The following SPRYD7 variants were observed in gnomAD, a reference collection of about 807,000 sequenced individuals.
The protein encoded by SPRYD7 is SPRY domain containing 7.
SPRYD7 carries 14 observed loss-of-function variants against 23.8 expected under a neutral mutation model. The ratio of observed to expected loss-of-function variants is 0.59; its 90% CI spans 0.39 to 0.92. SPRYD7 has a LOEUF of 0.92. Ranked by LOEUF, SPRYD7 falls within the 40% of genes least tolerant of loss-of-function variation. SPRYD7 has a pLI of 0.00. For missense variants in SPRYD7, 194 were observed against 241.7 expected (o/e 0.80, Z 1.31); for synonymous variants, 75 against 84.9 (o/e 0.88, Z 0.64).
intron 2 of SPRYD7, 60 bp downstream of exon 2, chr13:49,930,958 A>G: frequency 9.4e-7 from 1 of 1,065,740 alleles, no homozygotes; most frequent in Non-Finnish European, 1.4e-6. Flanking sequence ...ATGTGTTACA[A>G]ATTACTCTTA....
At chr13:49,915,373 A>T (rs2138208193) in intron 4 of SPRYD7, among the ~76,000 whole-genome samples, 1 of 152,282 alleles carries the variant, frequency 6.6e-6, no homozygotes, top group Admixed American at 6.5e-5. Flanking sequence ...AAAACATTGG[A>T]AGGATATATA....
At position 49,921,549 on chromosome 13, in the gene SPRYD7, A is replaced by G. The variant is rs1174393354; in HGVS notation, c.422T>C (p.Val141Ala). 1 of 1,612,846 alleles carries G rather than the reference A, an allele frequency of 6.2e-7. No homozygotes were observed. Among genetic ancestry groups the G allele is most frequent in the Non-Finnish European group, 8.5e-7 (1 of 1,178,898 alleles). ...GITYDHVELN[V>A]YLNGKNMHCP... ...ATGCATGTTTTTTCCATTCAAGTATACATTTAATTCGACATGGTCATAAGT... is the reference window on the plus strand; with the variant it reads ...ATGCATGTTTTTTCCATTCAAGTATGCATTTAATTCGACATGGTCATAAGT... The change falls in exon 4 of 5, where the codon GTA becomes GCA. Residue 141 changes from valine (V) to alanine (A), a missense_variant. Physicochemically the swap from Val to Ala is moderately conservative, Grantham distance 64. Transcript: ENST00000361840.
At chr13:49,925,825 A>G (rs1424903043) in intron 3 of SPRYD7, among the ~76,000 whole-genome samples, 1 of 152,114 alleles carries the variant, frequency 6.6e-6, no homozygotes, top group Non-Finnish European at 1.5e-5. Context: ...ACAAAAAAAA[A>G]AAAAAGGAGA....
chr13:49,920,947 T>G (rs144315387), intron 4 of SPRYD7, among the ~76,000 whole-genome samples: 4 of 151,952 alleles, frequency 2.6e-5, no homozygotes, highest in South Asian at 2.1e-4. Flanking sequence ...GGTGACAGAG[T>G]GACACTCCGT....
chr13:49,927,138 T>C (rs1370856341), intron 3 of SPRYD7, among the ~76,000 whole-genome samples: 1 of 152,174 alleles, frequency 6.6e-6, no homozygotes, highest in Non-Finnish European at 1.5e-5. Flanking sequence ...TTAAGTTTAA[T>C]GAAGATGAAC....
chr13:49,923,194 T>C (rs1018045018), intron 3 of SPRYD7, among the ~76,000 whole-genome samples: 1 of 152,098 alleles, frequency 6.6e-6, no homozygotes, highest in African/African-American at 2.4e-5. Context: ...AGTGAGGTTG[T>C]AATCCAGGCA....
At chr13:49,935,943 C>G (rs1158174323) in intron 1 of SPRYD7, among the ~76,000 whole-genome samples, 187 bp downstream of exon 1, 3 of 152,138 alleles carry the variant, frequency 2.0e-5, no homozygotes, top group African/African-American at 7.2e-5. Flanking sequence ...GCTGCGCAGC[C>G]TTGAACACAG....
At chr13:49,919,092 A>G (rs1163251869) in intron 4 of SPRYD7, among the ~76,000 whole-genome samples, 1 of 152,140 alleles carries the variant, frequency 6.6e-6, no homozygotes, top group Non-Finnish European at 1.5e-5. Context: ...CCAAAGGCAG[A>G]AAAATCATAT....
chr13:49,923,141 T>C (rs1448007105), intron 3 of SPRYD7, among the ~76,000 whole-genome samples: 3 of 152,216 alleles, frequency 2.0e-5, no homozygotes, highest in Non-Finnish European at 4.4e-5. Flanking sequence ...AGAAAGTATG[T>C]TACTCTCATT....
intron 4 of SPRYD7, among the ~76,000 whole-genome samples, chr13:49,919,838 C>T (rs372373441): frequency 1.4e-5 from 2 of 142,198 alleles, no homozygotes; most frequent in Non-Finnish European, 3.1e-5. Flanking sequence ...ACCTTTTTTT[C>T]GAGATACAAA....
chr13:49,922,065 AC>A (rs1955827660), intron 3 of SPRYD7, among the ~76,000 whole-genome samples: 2 of 152,210 alleles, frequency 1.3e-5, no homozygotes, highest in Admixed American at 6.5e-5. Context: ...AAGAAATAAC[AC>A]ATTTCTACAT....
chr13:49,921,622 G>A (rs770891491), intron 3 of SPRYD7, 42 bp from the exon 4 acceptor site: 94 of 1,260,996 alleles, frequency 7.5e-5, no homozygotes, highest in Middle Eastern at 1.9e-4. Context: ...AAGCTGAGCC[G>A]TCAGAAAGCA....
At chr13:49,928,649 G>T (rs1198955818) in intron 2 of SPRYD7, among the ~76,000 whole-genome samples, 1 of 152,074 alleles carries the variant, frequency 6.6e-6, no homozygotes, top group Non-Finnish European at 1.5e-5. Flanking sequence ...CACCTTGCAA[G>T]GTAATGAAAA....
chr13:49,912,987 A>G lies in SPRYD7; in HGVS notation c.*2076T>C, dbSNP rs1461254880. 6.6e-6 allele frequency: 1 copy of G among 152,226 alleles called. No homozygotes were observed. Among genetic ancestry groups the G allele is most frequent in the Non-Finnish European group, 1.5e-5 (1 of 68,032 alleles). The allele number at this position is 152,226 out of a possible 1,614,324, so 9.4% of individuals were successfully genotyped here. A position where few individuals can be genotyped will look rare whatever the true frequency, so the allele number is the denominator to read the frequency against. On this transcript the variant is annotated 3_prime_UTR_variant, in exon 5 of 5. Coordinates refer to ENST00000361840, the MANE Select transcript of SPRYD7 (RefSeq NM_020456.4). ...CAAAAATAGCCCATCATAAATCCTT[A>G]GAAAATTTACAGTAGGCAAATAATT...
intron 3 of SPRYD7, among the ~76,000 whole-genome samples, chr13:49,923,716 G>A (rs181450238): frequency 1.3e-5 from 2 of 151,854 alleles, no homozygotes; most frequent in East Asian, 1.9e-4. Flanking sequence ...GCAGTGGCGC[G>A]ACCTTGGCTC....
In SPRYD7 at chr13:49,936,290, C is replaced by G. The variant is rs1871630669; in HGVS notation, c.-55G>C. ...CCCTAGACCGAGGCGACACTGCCCC[C>G]CGCCGCTCAGCTCCGTCTCCTGCCC... On this transcript the variant is annotated 5_prime_UTR_variant, in exon 1 of 5. Coordinates refer to ENST00000361840, the MANE Select transcript of SPRYD7 (RefSeq NM_020456.4). 4.5e-6 allele frequency: 6 copies of G among 1,329,664 alleles called. No individual in the cohort carries two copies. The highest frequency in any genetic ancestry group is 5.2e-6 in the Non-Finnish European group (5 of 964,490). 82.4% of individuals were successfully genotyped at this position (1,329,664 alleles called of 1,614,324 possible).
intron 3 of SPRYD7, among the ~76,000 whole-genome samples, chr13:49,926,723 T>C (rs1327709887): frequency 6.6e-6 from 1 of 152,094 alleles, no homozygotes; most frequent in African/African-American, 2.4e-5. Flanking sequence ...TTAATTAACC[T>C]GGATTTCTCT....
chr13:49,922,325 T>A (rs943380767), intron 3 of SPRYD7, among the ~76,000 whole-genome samples: 4 of 149,120 alleles, frequency 2.7e-5, no homozygotes, highest in African/African-American at 9.8e-5. Context: ...TGTATAAATA[T>A]AAATTATTTA....
At chr13:49,922,060 AT>A in intron 3 of SPRYD7, among the ~76,000 whole-genome samples, 1 of 152,206 alleles carries the variant, frequency 6.6e-6, no homozygotes, top group African/African-American at 2.4e-5. Flanking sequence ...CCAGGAAGAA[AT>A]AACACATTTC....
Sources: allele counts gnomAD v4.1 joint callset (sites outside exome capture counted in the v4.1 genomes callset), GRCh38; gene constraint gnomAD v4.1.1; transcripts MANE v1.5; gene names NCBI Gene and HGNC (gene_info 2026-07-23, HGNC 2026-07-21).